Variants in SPDL1 observed in about 807,000 individuals in gnomAD.
The protein encoded by SPDL1 is protein Spindly.
A neutral mutation model predicts 79.5 loss-of-function variants in SPDL1; 85 were observed. The observed-to-expected ratio is 1.07, with a 90% CI of 0.90 to 1.28. SPDL1 has a LOEUF of 1.28. SPDL1 is among the 50% of genes most tolerant of loss of function. The pLI, the probability that SPDL1 is intolerant of heterozygous loss-of-function variation, is 0.00. For synonymous variants in SPDL1, 269 were observed against 240.3 expected (o/e 1.12, Z -1.10); for missense variants, 703 against 697.8 (o/e 1.01, Z -0.08).
In SPDL1 at chr5:169,601,219, G is replaced by T. The variant is rs182392147; in HGVS notation, c.1325-61G>T. On this transcript the variant is annotated intron_variant, in intron 10 of 11. Coordinates refer to ENST00000265295, the MANE Select transcript of SPDL1 (RefSeq NM_017785.5). ...TACATATAACTAGTTCTGGCTTCTT[G>T]TGTTGATTGTGTCTTTGTTTTCTTA... 3.4e-5 allele frequency: 50 copies of T among 1,467,796 alleles called. No homozygotes were observed. The African/African-American group carries it at 6.5e-4, about 19-fold the overall frequency. 90.9% of individuals were successfully genotyped at this position (1,467,796 alleles called of 1,614,324 possible). A position where few individuals can be genotyped will look rare whatever the true frequency, so the allele number is the denominator to read the frequency against.
intron 8 of SPDL1, among the ~76,000 whole-genome samples, chr5:169,597,781 G>A (rs1483170601): frequency 2.6e-5 from 4 of 152,076 alleles, no homozygotes; most frequent in East Asian, 1.9e-4. Context: ...TCTTAATTAA[G>A]TTTACATAAC....
In SPDL1 at chr5:169,588,378, T is replaced by G. The variant is rs1030822617; in HGVS notation, c.-23-16T>G. 1.3e-6 allele frequency: 2 copies of G among 1,554,138 alleles called. No individual in the cohort carries two copies. The highest frequency in any genetic ancestry group is 1.7e-6 in the Non-Finnish European group (2 of 1,151,700). On this transcript the variant is annotated splice_polypyrimidine_tract_variant and intron_variant, in intron 1 of 11. Coordinates refer to ENST00000265295, the MANE Select transcript of SPDL1 (RefSeq NM_017785.5). Reference sequence around the variant, plus strand: ...TTTTGTATAAGCTTAAGTAGTTTTATTTCCTCTATTTACAGTTGGCTAAAA... The same window carrying G: ...TTTTGTATAAGCTTAAGTAGTTTTAGTTCCTCTATTTACAGTTGGCTAAAA...
At chr5:169,584,470 T>C (rs996477812) in intron 1 of SPDL1, among the ~76,000 whole-genome samples, 6 of 152,208 alleles carry the variant, frequency 3.9e-5, no homozygotes, top group African/African-American at 1.2e-4. Context: ...ATTCGTTATC[T>C]CATTTAATCC....
In SPDL1 at chr5:169,596,716, T is replaced by TA. The variant is rs570682508; in HGVS notation, c.1032+22dup. The TA allele has an allele frequency of 2.0e-5, 31 of 1,549,804 alleles. No homozygotes were observed. The highest frequency in any genetic ancestry group is 1.4e-4 in the South Asian group (11 of 80,300). On this transcript the variant is annotated intron_variant, in intron 8 of 11. Coordinates refer to ENST00000265295, the MANE Select transcript of SPDL1 (RefSeq NM_017785.5). The stretch of plus-strand genomic sequence containing the variant: ...AGAAATTTAAGGTATGTATAACAGT[T>TA]AAAAAAACACACATCCAAATTTTGA...
intron 1 of SPDL1, 147 bp from the exon 2 acceptor site, chr5:169,588,247 G>A: frequency 1.9e-6 from 1 of 519,384 alleles, no homozygotes; most frequent in Non-Finnish European, 3.3e-6. Flanking sequence ...GAACAAGAAT[G>A]CAAATTTGAC....
Position 169,593,440 on chromosome 5 carries a change from C to G in SPDL1, c.423C>G (p.Leu141=), listed in dbSNP as rs767934271. ...KHQVDHQKEL[L]SCKSEELRVM... is the part of the protein sequence containing the mutation. ...AAGTAGATCATCAGAAGGAACTCCTCTCTTGTAAATCAGAGGAACTGCGCG... is the reference window on the plus strand; with the variant it reads ...AAGTAGATCATCAGAAGGAACTCCTGTCTTGTAAATCAGAGGAACTGCGCG... The change falls in exon 4 of 12, where the codon CTC becomes CTG. Residue 141 remains leucine (L), a synonymous_variant. Transcript: ENST00000265295. The G allele has an allele frequency of 4.3e-6, 7 of 1,614,014 alleles. No individual in the cohort carries two copies. The highest frequency in any genetic ancestry group is 5.1e-6 in the Non-Finnish European group (6 of 1,179,986).
chr5:169,596,815 G>C, intron 8 of SPDL1, 114 bp downstream of exon 8: 1 of 869,976 alleles, frequency 1.1e-6, no homozygotes, highest in Non-Finnish European at 1.7e-6. Flanking sequence ...GATACTTTGA[G>C]ACTAAGTAAA....
At chr5:169,592,097 G>C (rs1755316619) in intron 3 of SPDL1, among the ~76,000 whole-genome samples, 1 of 151,746 alleles carries the variant, frequency 6.6e-6, no homozygotes, top group African/African-American at 2.4e-5. Context: ...TTCTTGTATA[G>C]CAGCCTCTAA....
At chr5:169,584,910 T>C (rs1291823306) in intron 1 of SPDL1, among the ~76,000 whole-genome samples, 1 of 150,782 alleles carries the variant, frequency 6.6e-6, no homozygotes. Context: ...CTCGGGAGGC[T>C]GAGGCAGGAG....
chr5:169,603,110 T>C (rs1237791727), intron 11 of SPDL1, among the ~76,000 whole-genome samples: 2 of 151,384 alleles, frequency 1.3e-5, no homozygotes, highest in African/African-American at 2.4e-5. Context: ...AACATTTGTG[T>C]GTGTGTGTGT....
At chr5:169,601,872 G>C in intron 11 of SPDL1, 1 of 563,524 alleles carries the variant, frequency 1.8e-6, no homozygotes, top group Non-Finnish European at 3.2e-6. Flanking sequence ...TCATGAAAGG[G>C]AATATCACAG....
At chr5:169,595,083 A>G (rs572989089) in intron 7 of SPDL1, among the ~76,000 whole-genome samples, 1 of 152,256 alleles carries the variant, frequency 6.6e-6, no homozygotes, top group East Asian at 1.9e-4. Flanking sequence ...AAGGCTTATT[A>G]TGGAGTGAAA....
At chr5:169,599,262 A>T in intron 10 of SPDL1, 103 bp downstream of exon 10, 1 of 986,492 alleles carries the variant, frequency 1.0e-6, no homozygotes. Flanking sequence ...TTACAAACTC[A>T]TTTGTAGTTA....
At position 169,591,095 on chromosome 5, in the gene SPDL1, G is replaced by A; in HGVS notation, c.207G>A (p.Lys69=). 2 of 1,613,964 alleles carry A rather than the reference G, an allele frequency of 1.2e-6. No homozygotes were observed. The highest frequency in any genetic ancestry group is 1.7e-6 in the Non-Finnish European group (2 of 1,179,942). ...KYTLQREVEL[K]SRMLESLSCE... ...CCCTTCAAAGAGAAGTTGAACTCAA[G>A]AGTCGAATGTTAGAAAGTTTGAGCT... is the stretch of plus-strand genomic sequence containing the variant. Residue 69 remains lysine, a synonymous_variant, in exon 3 of 12, where the codon AAG becomes AAA. Transcript: ENST00000265295.
At chr5:169,603,236 A>T (rs1414307237) in intron 11 of SPDL1, among the ~76,000 whole-genome samples, 1 of 152,030 alleles carries the variant, frequency 6.6e-6, no homozygotes, top group East Asian at 1.9e-4. Context: ...TTTTATTGGG[A>T]ACTTCACTAT....
intron 10 of SPDL1, among the ~76,000 whole-genome samples, chr5:169,600,562 A>G (rs969544684): frequency 2.0e-5 from 3 of 152,220 alleles, no homozygotes; most frequent in Non-Finnish European, 2.9e-5. Flanking sequence ...AAAATGAAAC[A>G]CATCGATAAT....
intron 7 of SPDL1, 36 bp from the exon 8 acceptor site, chr5:169,596,525 T>G (rs1330489203): frequency 1.3e-6 from 2 of 1,568,916 alleles, no homozygotes; most frequent in South Asian, 2.3e-5. Context: ...TTTCTCTCAC[T>G]TAATTTTATT....
chr5:169,599,058 G>T lies in SPDL1; in HGVS notation c.1223G>T (p.Arg408Leu), dbSNP rs1432894848. The T allele has an allele frequency of 8.7e-6, 14 of 1,602,250 alleles. No individual in the cohort carries two copies. Among genetic ancestry groups the T allele is most frequent in the Non-Finnish European group, 1.2e-5 (14 of 1,171,176 alleles). The change falls in exon 10 of 12, where the codon CGA becomes CTA. Residue 408 changes from arginine (R) to leucine (L), a missense_variant. By Grantham distance (102) the Arg-to-Leu change is moderately radical. Coordinates refer to ENST00000265295, the MANE Select transcript of SPDL1 (RefSeq NM_017785.5). ...AGCCAGCGGGCTCTAGATATTGAGC[G>T]AAAACTTTTTGCAAATGAAAGATGC... ...FESQRALDIE[R>L]KLFANERCLQ...
rs370881703 is a variant in SPDL1 at position 169,593,548 on chromosome 5, G to T, written c.531G>T (p.Lys177Asn). Residue 177 changes from lysine to asparagine, a missense_variant and splice_region_variant, in exon 4 of 12, where the codon AAG becomes AAT. Transcript: ENST00000265295. The stretch of plus-strand genomic sequence containing the variant: ...AGCTGACAGAAATGGAGAGTATGAA[G>T]GTAATTTTTATGGCATGTGTTTCTC... ...QIELTEMESM[K>N]TTLKEEVNEL... The T allele has an allele frequency of 1.3e-6, 2 of 1,577,958 alleles. No individual in the cohort carries two copies. Among genetic ancestry groups the T allele is most frequent in the African/African-American group, 2.7e-5 (2 of 73,002 alleles).
Sources: allele counts gnomAD v4.1 joint callset (sites outside exome capture counted in the v4.1 genomes callset), GRCh38; gene constraint gnomAD v4.1.1; transcripts MANE v1.5; gene names NCBI Gene and HGNC (gene_info 2026-07-23, HGNC 2026-07-21).